ANO4: variants seen among roughly 807,000 people sequenced by gnomAD.
ANO4 encodes the protein anoctamin 4, also known as anoctamin-4.
ANO4 carries 69 observed loss-of-function variants against 141.9 expected under a neutral mutation model. The ratio of observed to expected loss-of-function variants is 0.49; its 90% CI spans 0.40 to 0.59. ANO4 has a LOEUF of 0.59. Ranked by LOEUF, ANO4 falls within the 20% of genes least tolerant of loss-of-function variation. The pLI, the probability that ANO4 is intolerant of heterozygous loss-of-function variation, is 0.00. For missense variants in ANO4, 894 were observed against 1,162.2 expected (o/e 0.77, Z 3.36); for synonymous variants, 350 against 394.3 (o/e 0.89, Z 1.33).
intron 2 of ANO4, among the ~76,000 whole-genome samples, chr12:100,913,047 A>G (rs1241317318): frequency 2.0e-5 from 3 of 152,192 alleles, no homozygotes; most frequent in South Asian, 2.1e-4. Context: ...GGGCATTGGT[A>G]TCTGTGTTCC....
intron 24 of ANO4, among the ~76,000 whole-genome samples, chr12:101,113,537 C>T (rs1284585656): frequency 1.3e-5 from 2 of 151,992 alleles, no homozygotes; most frequent in Non-Finnish European, 2.9e-5. Flanking sequence ...CTTTTGTTTT[C>T]TAATCCATTA....
chr12:101,023,366 C>T lies in ANO4; in HGVS notation c.841+3226C>T, dbSNP rs544947539. 7.9e-5 allele frequency among the ~76,000 whole-genome samples: 12 copies of T among 152,224 alleles called. No homozygotes were observed. In the South Asian group the frequency reaches 8.3e-4, roughly 11 times the overall value. On this transcript the variant is annotated intron_variant, in intron 9 of 27. Coordinates refer to ENST00000392977, the MANE Select transcript of ANO4 (RefSeq NM_001286615.2). ...TAAGGAGTTTTCTATTCAAAGACCT[C>T]CATGTGTTGAAAATTGGTAATAGGC...
intron 1 of ANO4, among the ~76,000 whole-genome samples, chr12:100,865,863 A>G (rs1184267509): frequency 6.6e-6 from 1 of 152,162 alleles, no homozygotes; most frequent in African/African-American, 2.4e-5. Flanking sequence ...CCAGGTCTGA[A>G]AAAGGTTGGG....
intron 5 of ANO4, among the ~76,000 whole-genome samples, chr12:100,968,255 A>G (rs930750899): frequency 8.4e-6 from 1 of 119,666 alleles, no homozygotes; most frequent in African/African-American, 3.8e-5. Flanking sequence ...GCTTTTCTAC[A>G]TATAGAAATG....
intron 5 of ANO4, among the ~76,000 whole-genome samples, chr12:100,957,201 CT>C (rs1453748869): frequency 1.4e-4 from 22 of 152,212 alleles, no homozygotes; most frequent in African/African-American, 5.1e-4. Context: ...CTGGTGAGGG[CT>C]TTTGTGCTTC....
chr12:100,859,023 G>A (rs1419958736), intron 1 of ANO4: 1 of 152,178 alleles, frequency 6.6e-6, no homozygotes, highest in Non-Finnish European at 1.5e-5. Flanking sequence ...GGGCAAAAAA[G>A]TAACATAATA....
intron 5 of ANO4, among the ~76,000 whole-genome samples, chr12:100,959,770 CTCT>C (rs1403038445): frequency 6.6e-6 from 1 of 152,188 alleles, no homozygotes; most frequent in Non-Finnish European, 1.5e-5. Context: ...TGCTCACCTT[CTCT>C]TCTGTTTGAT....
intron 25 of ANO4, among the ~76,000 whole-genome samples, chr12:101,118,170 G>T (rs1360011764): frequency 2.0e-5 from 3 of 152,090 alleles, no homozygotes; most frequent in Admixed American, 2.0e-4. Context: ...AGCATTGTTA[G>T]ACATATACAG....
At chr12:100,939,284 C>G (rs764890324) in intron 3 of ANO4, 31 bp from the exon 4 acceptor site, 1 of 1,574,244 alleles carries the variant, frequency 6.4e-7, no homozygotes. Flanking sequence ...AGATTTTTAC[C>G]CACCTTATAA....
At chr12:101,018,682 C>T (rs1034734415) in intron 8 of ANO4, among the ~76,000 whole-genome samples, 10 of 152,114 alleles carry the variant, frequency 6.6e-5, no homozygotes, top group African/African-American at 2.4e-4. Context: ...CCTCACATAC[C>T]TGTGTACCAG....
chr12:100,915,512 T>C (rs1195777331), intron 2 of ANO4, among the ~76,000 whole-genome samples: 5 of 152,162 alleles, frequency 3.3e-5, no homozygotes, highest in African/African-American at 7.2e-5. Flanking sequence ...TTCTGTGACA[T>C]GGGGAGGGTA....
chr12:101,013,411 A>G (rs909028382), intron 8 of ANO4, among the ~76,000 whole-genome samples: 5 of 152,114 alleles, frequency 3.3e-5, no homozygotes, highest in Non-Finnish European at 7.4e-5. Flanking sequence ...AGGACACACA[A>G]CTAAAGTGGA....
chr12:100,869,600 A>G (rs1283667971), intron 1 of ANO4, among the ~76,000 whole-genome samples: 1 of 152,170 alleles, frequency 6.6e-6, no homozygotes, highest in Non-Finnish European at 1.5e-5. Context: ...GCAGCTCTGC[A>G]ACTTTTGTTA....
At position 100,901,666 on chromosome 12, in the gene ANO4, G is replaced by A. The variant is rs1456392982; in HGVS notation, c.-120G>A. On this transcript the variant is annotated 5_prime_UTR_variant, in exon 2 of 28. The change abolishes an upstream ATG in the 5' untranslated region. Coordinates refer to ENST00000392977, the MANE Select transcript of ANO4 (RefSeq NM_001286615.2). The stretch of plus-strand genomic sequence containing the variant: ...TCCAGGTTTAAGTTTATCTATTCAT[G>A]GGGCTGAAAAGCGTTTGCAAATCCA... The A allele has an allele frequency of 1.2e-6, 1 of 861,844 alleles. No homozygotes were observed. Among genetic ancestry groups the A allele is most frequent in the Admixed American group, 1.7e-5 (1 of 58,450 alleles). The allele number at this position is 861,844 out of a possible 1,614,324, so 53.4% of individuals were successfully genotyped here. A position where few individuals can be genotyped will look rare whatever the true frequency, so the allele number is the denominator to read the frequency against.
At chr12:100,730,701 C>A (rs1340484335) in intron 1 of ANO4, among the ~76,000 whole-genome samples, 3 of 152,088 alleles carry the variant, frequency 2.0e-5, no homozygotes, top group Non-Finnish European at 4.4e-5. Flanking sequence ...CTTGCATGCC[C>A]AGTGCTATTA....
intron 7 of ANO4, among the ~76,000 whole-genome samples, chr12:100,978,084 A>G (rs4764631): frequency 0.2 from 30,439 of 152,058 alleles, 3,156 homozygotes; most frequent in Middle Eastern, 0.35. Context: ...TTAGAATCCT[A>G]TGGCCCCATC....
At chr12:100,881,626 G>C (rs2039574288) in intron 1 of ANO4, among the ~76,000 whole-genome samples, 1 of 152,114 alleles carries the variant, frequency 6.6e-6, no homozygotes, top group African/African-American at 2.4e-5. Context: ...GTGTGATCTT[G>C]AGCCAGTCAT....
intron 5 of ANO4, among the ~76,000 whole-genome samples, chr12:100,957,728 T>C (rs1411519461): frequency 1.3e-5 from 2 of 152,208 alleles, no homozygotes; most frequent in Non-Finnish European, 2.9e-5. Flanking sequence ...GTAGCTGGGA[T>C]TACAGGCGTA....
intron 8 of ANO4, among the ~76,000 whole-genome samples, chr12:101,016,435 C>T (rs1443574746): frequency 6.6e-6 from 1 of 152,064 alleles, no homozygotes; most frequent in Non-Finnish European, 1.5e-5. Flanking sequence ...GGGCGTAACA[C>T]CAAGACATTC....
Sources: gnomAD v4.1 joint callset for allele counts (sites outside exome capture counted in the v4.1 genomes callset) on GRCh38, gnomAD v4.1.1 for gene constraint, MANE v1.5 for transcripts, NCBI Gene and HGNC (gene_info 2026-07-23, HGNC 2026-07-21) for gene names.